Variants in WDFY4 observed in about 807,000 individuals in gnomAD.
WDFY4 encodes the protein WD repeat- and FYVE domain-containing protein 4.
WDFY4 carries 169 observed loss-of-function variants against 351.9 expected under a neutral mutation model. That is an observed-to-expected ratio of 0.48 (90% CI 0.42 to 0.55). The LOEUF is 0.55. Ranked by LOEUF, WDFY4 falls within the 20% of genes least tolerant of loss-of-function variation. The probability of loss-of-function intolerance (pLI) is 0.00; values close to 1 mark genes in which losing one functional copy is unlikely to be tolerated. For missense variants in WDFY4, 3,803 were observed against 3,935.6 expected, an observed-to-expected ratio of 0.97 and a Z score of 0.90; for synonymous variants, 1,622 against 1,574.6, an observed-to-expected ratio of 1.03 and a Z score of -0.71.
At chr10:48,827,125 A>G (rs1349822848) in intron 36 of WDFY4, among the ~76,000 whole-genome samples, 2 of 152,166 alleles carry the variant, frequency 1.3e-5, no homozygotes, top group African/African-American at 4.8e-5. Context: ...ATAATAATTT[A>G]CCCTATTTCC....
In WDFY4 at chr10:48,824,268, C is replaced by G. The variant is rs532720690; in HGVS notation, c.5982+1731C>G. 3 of 838,342 alleles carry G rather than the reference C, an allele frequency of 3.6e-6. No individual in the cohort carries two copies. In the South Asian group the frequency reaches 1.6e-4, roughly 46 times the overall value. The allele number at this position is 838,342 out of a possible 1,614,324, so 51.9% of individuals were successfully genotyped here. On this transcript the variant is annotated intron_variant, in intron 35 of 61. Coordinates refer to ENST00000325239, the MANE Select transcript of WDFY4 (RefSeq NM_001394531.1). ...TCTGACCCTTAGCCTCTTATCCGTA[C>G]AGTGGGGTAACTTAGCGTCTATGGT...
chr10:48,791,060 G>A, intron 23 of WDFY4, 143 bp downstream of exon 23: 1 of 1,047,050 alleles, frequency 9.6e-7, no homozygotes, highest in Non-Finnish European at 1.4e-6. Context: ...TGGGTTCTGA[G>A]ACCAGCAACT....
intron 51 of WDFY4, among the ~76,000 whole-genome samples, chr10:48,951,397 C>G (rs1000752682): frequency 6.6e-6 from 1 of 152,080 alleles, no homozygotes; most frequent in South Asian, 2.1e-4. Flanking sequence ...AGCAGCAGCC[C>G]CAAGATGCTG....
chr10:48,870,915 G>A (rs933645856), intron 40 of WDFY4, among the ~76,000 whole-genome samples: 10 of 151,362 alleles, frequency 6.6e-5, no homozygotes, highest in African/African-American at 2.2e-4. Flanking sequence ...GGTTGCATAG[G>A]TGGAGACTTG....
At chr10:48,944,549 G>C (rs1840945058) in intron 49 of WDFY4, among the ~76,000 whole-genome samples, 4 of 152,254 alleles carry the variant, frequency 2.6e-5, no homozygotes, top group Admixed American at 2.6e-4. Flanking sequence ...AGCCTGGCCA[G>C]TCCTGCGTAG....
chr10:48,877,560 C>T (rs1198414816), intron 43 of WDFY4, among the ~76,000 whole-genome samples: 1 of 152,222 alleles, frequency 6.6e-6, no homozygotes, highest in African/African-American at 2.4e-5. Context: ...CTGTTTGTGG[C>T]CTGACCACCC....
intron 1 of WDFY4, among the ~76,000 whole-genome samples, chr10:48,695,062 C>T (rs897515456): frequency 1.3e-5 from 2 of 152,186 alleles, no homozygotes; most frequent in African/African-American, 2.4e-5. Context: ...CGGAACATGC[C>T]AAGTAGAGCA....
At chr10:48,823,884 T>G in intron 35 of WDFY4, 1 of 985,808 alleles carries the variant, frequency 1.0e-6, no homozygotes, top group Non-Finnish European at 1.2e-6. Context: ...AGGAACATGA[T>G]AAAGAAATGA....
At chr10:48,729,735 A>C (rs2064391222) in intron 8 of WDFY4, 146 bp downstream of exon 8, 1 of 1,102,650 alleles carries the variant, frequency 9.1e-7, no homozygotes, top group Non-Finnish European at 1.3e-6. Flanking sequence ...GGTTATGAAT[A>C]TCTCCCATGG....
Position 48,760,339 on chromosome 10 carries a change from C to A in WDFY4, c.2460-8C>A. 1.9e-6 allele frequency: 3 copies of A among 1,550,998 alleles called. No individual in the cohort carries two copies. Among genetic ancestry groups the A allele is most frequent in the Non-Finnish European group, 2.6e-6 (3 of 1,146,482 alleles). On this transcript the variant is annotated splice_region_variant and splice_polypyrimidine_tract_variant and intron_variant, in intron 12 of 61. Transcript: ENST00000325239. ...GTGTCTCATGTCTGGCTCTCCCTCT[C>A]TCTGCAGGATGGATGAGGGAGATGC...
chr10:48,894,207 A>C (rs2133380654), intron 44 of WDFY4, among the ~76,000 whole-genome samples: 1 of 152,354 alleles, frequency 6.6e-6, no homozygotes, highest in South Asian at 2.1e-4. Context: ...GAAAATGACT[A>C]TCTTTTCTCC....
chr10:48,690,236 G>T (rs1362987754), intron 1 of WDFY4, among the ~76,000 whole-genome samples: 4 of 152,344 alleles, frequency 2.6e-5, no homozygotes, highest in African/African-American at 9.6e-5. Context: ...AATTATGGGT[G>T]ATCCATCAGG....
intron 40 of WDFY4, among the ~76,000 whole-genome samples, chr10:48,870,326 A>T (rs1453820824): frequency 6.6e-6 from 1 of 152,228 alleles, no homozygotes; most frequent in Non-Finnish European, 1.5e-5. Flanking sequence ...GTTTGATGAC[A>T]GGAGCTCAAG....
At chr10:48,761,479 G>A (rs79664939) in intron 13 of WDFY4, among the ~76,000 whole-genome samples, 3,274 of 152,290 alleles carry the variant, frequency 0.021, 44 homozygotes, top group Non-Finnish European at 0.031. Flanking sequence ...TGGTGTCTGT[G>A]AGAAGGTGTG....
Position 48,970,164 on chromosome 10 carries a change from G to A in WDFY4, c.8803G>A (p.Gly2935Ser), listed in dbSNP as rs1393976176. 6.4e-7 allele frequency: 1 copy of A among 1,551,630 alleles called. No individual in the cohort carries two copies. Among genetic ancestry groups the A allele is most frequent in the South Asian group, 1.2e-5 (1 of 84,066 alleles). Reference protein sequence around the residue: ...LMTFENLAAWGRCLCAVCPSP... With the variant: ...LMTFENLAAWSRCLCAVCPSP... Reference sequence around the variant, plus strand: ...GACATTCGAGAACCTGGCTGCCTGGGGCCGCTGTCTGTGCGCCGTGTGCCC... The same window carrying A: ...GACATTCGAGAACCTGGCTGCCTGGAGCCGCTGTCTGTGCGCCGTGTGCCC... Residue 2935 changes from glycine (G) to serine (S), a missense_variant, in exon 57 of 62, where the codon GGC (glycine) becomes AGC (serine). Gly to Ser is a moderately conservative substitution (Grantham distance 56). This residue lies in a region of WDFY4 where 3,054 missense variants were observed against 3,148.6 expected (regional missense o/e 0.97). Transcript: ENST00000325239.
chr10:48,912,797 C>T (rs1338122321), intron 47 of WDFY4, among the ~76,000 whole-genome samples: 1 of 152,214 alleles, frequency 6.6e-6, no homozygotes. Flanking sequence ...GCTCATAGAG[C>T]AAGTTATGCA....
intron 28 of WDFY4, 70 bp from the exon 29 acceptor site, chr10:48,810,460 T>C: frequency 7.0e-7 from 1 of 1,432,636 alleles, no homozygotes; most frequent in Non-Finnish European, 9.4e-7. Context: ...AGGCTGGACA[T>C]TTCATATTTT....
At chr10:48,895,852 G>A (rs1017505712) in intron 44 of WDFY4, among the ~76,000 whole-genome samples, 1 of 152,020 alleles carries the variant, frequency 6.6e-6, no homozygotes, top group Non-Finnish European at 1.5e-5. Flanking sequence ...GCCTCATCTC[G>A]GGACTGCCTG....
At chr10:48,877,825 C>A (rs190619586) in intron 43 of WDFY4, among the ~76,000 whole-genome samples, 4 of 152,216 alleles carry the variant, frequency 2.6e-5, no homozygotes, top group Non-Finnish European at 5.9e-5. Flanking sequence ...CGGAGCCCCA[C>A]TCTTCGTGTG....
Sources: allele counts gnomAD v4.1 joint callset (sites outside exome capture counted in the v4.1 genomes callset), GRCh38; gene constraint gnomAD v4.1.1; regional missense constraint gnomAD v4.1.1; transcripts MANE v1.5; gene names NCBI Gene and HGNC (gene_info 2026-07-23, HGNC 2026-07-21).